The following DCAF6 variants were observed in gnomAD, a reference collection of about 807,000 sequenced individuals.
The protein encoded by DCAF6 is DDB1- and CUL4-associated factor 6.
DCAF6 carries 54 observed loss-of-function variants against 125.1 expected under a neutral mutation model. That is an observed-to-expected ratio of 0.43 (90% CI 0.35 to 0.54). The LOEUF is 0.54. Ranked by LOEUF, DCAF6 falls within the 20% of genes least tolerant of loss-of-function variation. DCAF6 has a pLI of 0.01. For missense variants in DCAF6, 934 were observed against 1,161.7 expected (o/e 0.80, Z 2.85); for synonymous variants, 371 against 390.4 (o/e 0.95, Z 0.58).
chr1:167,925,793 C>T, the DCAF6 span, among the ~76,000 whole-genome samples: 2 of 151,790 alleles, frequency 1.3e-5, no homozygotes, highest in African/African-American at 2.4e-5. Context: ...GTGATCTGCC[C>T]GCCTCAGCCT....
chr1:167,882,562 A>C, the DCAF6 span, among the ~76,000 whole-genome samples: 7 of 151,972 alleles, frequency 4.6e-5, no homozygotes, highest in African/African-American at 1.7e-4. Flanking sequence ...ATGGATGAAA[A>C]TAAAAGGGGA....
chr1:167,919,352 G>A, the DCAF6 span, among the ~76,000 whole-genome samples: 1 of 152,144 alleles, frequency 6.6e-6, no homozygotes, highest in Admixed American at 6.6e-5. Flanking sequence ...TAGTATAAAA[G>A]CATAAGAAGG....
chr1:168,003,421 T>A (rs1682911370), intron 8 of DCAF6, among the ~76,000 whole-genome samples: 1 of 152,180 alleles, frequency 6.6e-6, no homozygotes, highest in Non-Finnish European at 1.5e-5. Context: ...GAAAATAAAT[T>A]GACTTTAAGG....
intron 1 of DCAF6, among the ~76,000 whole-genome samples, chr1:167,942,584 T>C (rs1285789737): frequency 2.6e-5 from 4 of 152,226 alleles, no homozygotes; most frequent in Non-Finnish European, 5.9e-5. Context: ...GTTCATACTT[T>C]TTATGTCCTA....
rs1238443018 is a variant in DCAF6 at position 167,945,955 on chromosome 1, G to GTT, written c.98-5827_98-5826dup. 1.1e-3 allele frequency among the ~76,000 whole-genome samples: 135 copies of GTT among 123,908 alleles called. 2 individuals carry two copies. Among genetic ancestry groups the GTT allele is most frequent in the African/African-American group, 1.2e-3 (39 of 32,696 alleles). 81.3% of individuals were successfully genotyped at this position (123,908 alleles called of 152,430 possible). On this transcript the variant is annotated intron_variant, in intron 1 of 21. Coordinates refer to ENST00000367840, the MANE Select transcript of DCAF6 (RefSeq NM_001198956.2). The stretch of plus-strand genomic sequence containing the variant: ...CTGAATTCATTTACCAAATCTAAGG[G>GTT]TTTTTTTTTTTTTTTTTTTGAGACA...
chr1:167,971,273 C>T (rs1677260673), intron 3 of DCAF6, among the ~76,000 whole-genome samples: 1 of 152,096 alleles, frequency 6.6e-6, no homozygotes, highest in African/African-American at 2.4e-5. Flanking sequence ...TTGTGGATAA[C>T]TCTATTATTA....
At chr1:168,009,034 T>G (rs1683796380) in intron 10 of DCAF6, among the ~76,000 whole-genome samples, 1 of 150,402 alleles carries the variant, frequency 6.6e-6, no homozygotes, top group Non-Finnish European at 1.5e-5. Flanking sequence ...AGTCTTGCAC[T>G]GTTGCCCAGG....
intron 1 of DCAF6, among the ~76,000 whole-genome samples, chr1:167,944,445 A>C (rs1672749350): frequency 6.6e-6 from 1 of 152,172 alleles, no homozygotes; most frequent in African/African-American, 2.4e-5. Flanking sequence ...GGTATATAAG[A>C]GTTCCCTTTT....
chr1:168,060,608 G>T (rs1023001611), intron 17 of DCAF6, among the ~76,000 whole-genome samples: 1 of 152,084 alleles, frequency 6.6e-6, no homozygotes, highest in Non-Finnish European at 1.5e-5. Flanking sequence ...TAAATGATTT[G>T]AAGCTGGGCA....
At chr1:168,015,706 TTA>T in intron 10 of DCAF6, 73 bp from the exon 11 acceptor site, 1 of 1,267,352 alleles carries the variant, frequency 7.9e-7, no homozygotes, top group Non-Finnish European at 1.0e-6. Flanking sequence ...TTCTTCTTTT[TTA>T]ATGTATAATC....
At chr1:167,962,693 C>T (rs1481005962) in intron 2 of DCAF6, among the ~76,000 whole-genome samples, 3 of 152,108 alleles carry the variant, frequency 2.0e-5, no homozygotes, top group Non-Finnish European at 2.9e-5. Flanking sequence ...CGGTGGCTCA[C>T]CCCTGTAATC....
chr1:167,990,682 T>A (rs1680700428), intron 5 of DCAF6, among the ~76,000 whole-genome samples: 1 of 152,326 alleles, frequency 6.6e-6, no homozygotes, highest in South Asian at 2.1e-4. Context: ...TATGAGTTTC[T>A]TGGATTATTA....
intron 1 of DCAF6, among the ~76,000 whole-genome samples, chr1:167,950,569 A>G (rs12082923): frequency 0.03 from 4,572 of 152,294 alleles, 238 homozygotes; most frequent in African/African-American, 0.1. Context: ...GAAAGAAGTA[A>G]AACAAATTGG....
rs1271052234 is a variant in DCAF6, at chr1:168,003,943, T to C, written c.1071T>C (p.Ser357=). 6.2e-7 allele frequency: 1 copy of C among 1,612,458 alleles called. No homozygotes were observed. The highest frequency in any genetic ancestry group is 1.1e-5 in the South Asian group (1 of 90,998). Reference sequence around the variant, plus strand: ...TATCAAGATGGTTTGAAGAAGCAAGTGAGGTTGCACAAAGCAATAGAGGAC... The same window carrying C: ...TATCAAGATGGTTTGAAGAAGCAAGCGAGGTTGCACAAAGCAATAGAGGAC... ...DMLSRWFEEA[S]EVAQSNRGRG... is the part of the protein sequence containing the mutation. Residue 357 remains serine, a synonymous_variant, in exon 9 of 22, where the codon AGT becomes AGC. Coordinates refer to ENST00000367840, the MANE Select transcript of DCAF6 (RefSeq NM_001198956.2).
chr1:167,941,298 A>G (rs1672193262), intron 1 of DCAF6, among the ~76,000 whole-genome samples: 1 of 152,204 alleles, frequency 6.6e-6, no homozygotes, highest in Non-Finnish European at 1.5e-5. Context: ...CATATAAGTA[A>G]TCATAACAAC....
At chr1:168,032,376 T>G (rs1423975526) in intron 12 of DCAF6, among the ~76,000 whole-genome samples, 2 of 152,202 alleles carry the variant, frequency 1.3e-5, no homozygotes, top group African/African-American at 4.8e-5. Context: ...ATATGCTTCC[T>G]TATACAAATA....
chr1:168,031,794 G>A (rs1469373988), intron 12 of DCAF6, among the ~76,000 whole-genome samples: 2 of 152,182 alleles, frequency 1.3e-5, no homozygotes, highest in East Asian at 1.9e-4. Context: ...GTGCCACATG[G>A]CGTGGGCGTA....
chr1:167,881,670 T>C, the DCAF6 span, among the ~76,000 whole-genome samples: 2 of 152,220 alleles, frequency 1.3e-5, no homozygotes, highest in African/African-American at 4.8e-5. Context: ...TCACACATAT[T>C]ACATTATTTA....
At chr1:167,896,121 C>T in the DCAF6 span, among the ~76,000 whole-genome samples, 1 of 151,988 alleles carries the variant, frequency 6.6e-6, no homozygotes, top group Non-Finnish European at 1.5e-5. Flanking sequence ...CAGTAGACAG[C>T]AGGGGACTAG....
Sources: allele counts gnomAD v4.1 joint callset (sites outside exome capture counted in the v4.1 genomes callset), GRCh38; gene constraint gnomAD v4.1.1; transcripts MANE v1.5; gene names NCBI Gene and HGNC (gene_info 2026-07-23, HGNC 2026-07-21).